The following GRIN2B variants were observed in gnomAD, a reference collection of about 807,000 sequenced individuals.
The protein encoded by GRIN2B is glutamate receptor ionotropic, NMDA 2B.
Under a neutral mutation model 114.5 loss-of-function variants are expected in GRIN2B, and 5 were observed. That is an observed-to-expected ratio of 0.04 (90% CI 0.02 to 0.09). The LOEUF (loss-of-function observed/expected upper bound fraction) is 0.09. GRIN2B is among the 10% of genes least tolerant of loss of function. The pLI is 1.00. For missense variants in GRIN2B, 1,108 were observed against 1,943.5 expected (o/e 0.57, Z 8.08); for synonymous variants, 787 against 745.1 (o/e 1.06, Z -0.92).
intron 4 of GRIN2B, among the ~76,000 whole-genome samples, chr12:13,702,337 A>G (rs1369737432): frequency 3.3e-5 from 5 of 152,230 alleles, no homozygotes; most frequent in Admixed American, 6.5e-5. Context: ...TGTGCTACCT[A>G]GATCCAAGGA....
chr12:13,916,446 G>A (rs1866721922), intron 2 of GRIN2B, among the ~76,000 whole-genome samples: 1 of 152,060 alleles, frequency 6.6e-6, no homozygotes, highest in African/African-American at 2.4e-5. Context: ...CATTAAATGT[G>A]TTGTGTGAAT....
At chr12:13,607,401 A>T (rs1379520377) in intron 10 of GRIN2B, among the ~76,000 whole-genome samples, 1 of 68,756 alleles carries the variant, frequency 1.5e-5, no homozygotes, top group East Asian at 3.6e-4. Flanking sequence ...ATTATATATA[A>T]TATATAAAAT....
chr12:13,564,422 C>A lies in GRIN2B; in HGVS notation c.2816G>T (p.Arg939Leu). The change falls in exon 14 of 14, where the codon CGC becomes CTC. Residue 939 changes from arginine to leucine, a missense_variant. Arg to Leu is a moderately radical substitution (Grantham distance 102). Around this residue, in one of 19 missense-constraint regions of GRIN2B, gnomAD observed 140 missense variants for 187.5 expected, o/e 0.75. Coordinates refer to ENST00000609686, the MANE Select transcript of GRIN2B (RefSeq NM_000834.5). This position sits in a 1 kb window ranked among gnomAD's most constrained non-coding sequence, Gnocchi z 4.8. ...TTTGCAGTCAGAATGCGTGAAGCTG[C>A]GGCGGTGCTCTGAGATGTCATAGAC... ...SSVYDISEHR[R>L]SFTHSDCKSY... The A allele has an allele frequency of 6.2e-7, 1 of 1,614,210 alleles. No homozygotes were observed. The highest frequency in any genetic ancestry group is 8.5e-7 in the Non-Finnish European group (1 of 1,180,040).
chr12:13,568,757 T>C (rs1948671423), intron 12 of GRIN2B, among the ~76,000 whole-genome samples: 2 of 152,198 alleles, frequency 1.3e-5, no homozygotes, highest in South Asian at 4.1e-4. Context: ...GTTTCTGTAA[T>C]GCTAACAGAA....
At chr12:13,750,691 T>G (rs1026391086) in intron 4 of GRIN2B, among the ~76,000 whole-genome samples, 2 of 152,176 alleles carry the variant, frequency 1.3e-5, no homozygotes, top group Non-Finnish European at 2.9e-5. Flanking sequence ...AAGGGAATCT[T>G]TATTATCTTG....
At chr12:13,788,515 G>A (rs186445349) in intron 3 of GRIN2B, among the ~76,000 whole-genome samples, 43 of 152,282 alleles carry the variant, frequency 2.8e-4, no homozygotes, top group Admixed American at 1.0e-3. Context: ...AGCCTTGGAA[G>A]TCAGCCACCC....
intron 5 of GRIN2B, among the ~76,000 whole-genome samples, chr12:13,616,913 C>T (rs1348284414): frequency 6.6e-6 from 1 of 152,238 alleles, no homozygotes; most frequent in Non-Finnish European, 1.5e-5. Flanking sequence ...TATGTGCTGG[C>T]ACCCTGTTAA....
intron 10 of GRIN2B, among the ~76,000 whole-genome samples, chr12:13,583,487 C>T (rs1948879033): frequency 6.6e-6 from 1 of 152,166 alleles, no homozygotes; most frequent in African/African-American, 2.4e-5. Flanking sequence ...CTGTAAAACA[C>T]ACCACAGGGC....
At position 13,859,606 on chromosome 12, in the gene GRIN2B, CT is replaced by C. The variant is rs1299302459; in HGVS notation, c.411+6191del. Among the ~76,000 whole-genome samples the C allele has an allele frequency of 9.9e-5, 15 of 152,118 alleles. No homozygotes were observed. In the South Asian group the frequency reaches 2.9e-3, roughly 29 times the overall value. Reference sequence around the variant, plus strand: ...TGAACTCCAGGTAATTTTGTCCTGGCTTTTTTTTCTTACTCCCTCATCGTAT... The same window carrying C: ...TGAACTCCAGGTAATTTTGTCCTGGCTTTTTTTCTTACTCCCTCATCGTAT... On this transcript the variant is annotated intron_variant, in intron 3 of 13. Coordinates refer to ENST00000609686, the MANE Select transcript of GRIN2B (RefSeq NM_000834.5).
chr12:13,783,168 T>C (rs989961622), intron 3 of GRIN2B, among the ~76,000 whole-genome samples: 1 of 152,216 alleles, frequency 6.6e-6, no homozygotes, highest in Non-Finnish European at 1.5e-5. Flanking sequence ...TCAATGTCTT[T>C]ACTGAAAATT....
intron 2 of GRIN2B, among the ~76,000 whole-genome samples, chr12:13,928,818 G>A (rs1213182653): frequency 5.3e-5 from 8 of 152,208 alleles, no homozygotes; most frequent in Non-Finnish European, 7.3e-5. Context: ...CCCTATATGG[G>A]AAAAGGAATA....
chr12:13,910,615 A>G (rs142503538), intron 2 of GRIN2B, among the ~76,000 whole-genome samples: 1 of 152,252 alleles, frequency 6.6e-6, no homozygotes, highest in East Asian at 1.9e-4. Context: ...CTCTGCCACC[A>G]ATTCACATTG....
At chr12:13,818,269 C>T (rs1361310657) in intron 3 of GRIN2B, among the ~76,000 whole-genome samples, 1 of 152,164 alleles carries the variant, frequency 6.6e-6, no homozygotes, top group African/African-American at 2.4e-5. Flanking sequence ...GCCAGCGACC[C>T]AGTGGGAAAG....
intron 4 of GRIN2B, among the ~76,000 whole-genome samples, chr12:13,746,864 C>A (rs1310750003): frequency 1.3e-5 from 2 of 152,202 alleles, no homozygotes; most frequent in African/African-American, 2.4e-5. Context: ...CACCATGTGA[C>A]ATGCCGGCCC....
chr12:13,932,765 A>G (rs1414591097), intron 2 of GRIN2B, among the ~76,000 whole-genome samples: 17 of 152,200 alleles, frequency 1.1e-4, no homozygotes. Context: ...GAGAATCTTG[A>G]TTTTAGACTT....
At chr12:13,914,238 C>G (rs769718566) in intron 2 of GRIN2B, among the ~76,000 whole-genome samples, 1 of 152,082 alleles carries the variant, frequency 6.6e-6, no homozygotes, top group Admixed American at 6.5e-5. Flanking sequence ...TCCTCCCCAC[C>G]CCTAAAGCCA....
chr12:13,661,069 A>G (rs1949917898), intron 5 of GRIN2B, among the ~76,000 whole-genome samples: 1 of 152,094 alleles, frequency 6.6e-6, no homozygotes, highest in African/African-American at 2.4e-5. Context: ...AGTTTTTCCT[A>G]TATTCACATG....
At chr12:13,971,695 G>C (rs1176072645) in intron 2 of GRIN2B, among the ~76,000 whole-genome samples, 1 of 152,080 alleles carries the variant, frequency 6.6e-6, no homozygotes. Context: ...TTTTTTCTCC[G>C]AAACAAGAAA....
intron 3 of GRIN2B, among the ~76,000 whole-genome samples, chr12:13,862,743 T>C (rs1002372192): frequency 2.6e-5 from 4 of 152,224 alleles, no homozygotes; most frequent in Non-Finnish European, 5.9e-5. Context: ...AAAGGCTTTT[T>C]TCTCTGAGAT....
Sources: gnomAD v4.1 joint callset for allele counts (sites outside exome capture counted in the v4.1 genomes callset) on GRCh38, gnomAD v4.1.1 for gene constraint, gnomAD v4.1.1 regional missense constraint, Gnocchi (gnomAD v3.1) non-coding constraint, MANE v1.5 for transcripts, NCBI Gene and HGNC (gene_info 2026-07-23, HGNC 2026-07-21) for gene names.